CAMK1D: variants seen among roughly 807,000 people sequenced by gnomAD.
CAMK1D encodes calcium/calmodulin-dependent protein kinase type 1D.
CAMK1D carries 9 observed loss-of-function variants against 47.7 expected under a neutral mutation model. That is an observed-to-expected ratio of 0.19 (90% confidence interval 0.11 to 0.33). The LOEUF is 0.33. Ranked by LOEUF, CAMK1D falls within the 10% of genes least tolerant of loss-of-function variation. The probability of loss-of-function intolerance (pLI) is 1.00; values close to 1 mark genes in which losing one functional copy is unlikely to be tolerated. For synonymous variants in CAMK1D, 184 were observed against 184.9 expected (o/e 0.99, Z 0.04); for missense variants, 291 against 488.7 (o/e 0.60, Z 3.81).
intron 3 of CAMK1D, among the ~76,000 whole-genome samples, chr10:12,718,713 T>C (rs967305042): frequency 6.6e-6 from 1 of 152,254 alleles, no homozygotes; most frequent in Non-Finnish European, 1.5e-5. Context: ...AAAATGGTTT[T>C]ACCACATGCA....
chr10:12,357,459 G>A (rs1235119274), intron 1 of CAMK1D, among the ~76,000 whole-genome samples: 1 of 152,128 alleles, frequency 6.6e-6, no homozygotes, highest in African/African-American at 2.4e-5. Context: ...AGGACTACAG[G>A]CGCGTACTAC....
chr10:12,657,294 G>C (rs186845391), intron 2 of CAMK1D, among the ~76,000 whole-genome samples: 1 of 152,114 alleles, frequency 6.6e-6, no homozygotes, highest in African/African-American at 2.4e-5. Context: ...GTGTGGTGGC[G>C]CATGCCTGTA....
At chr10:12,751,732 G>A (rs1352738222) in intron 3 of CAMK1D, among the ~76,000 whole-genome samples, 1 of 152,228 alleles carries the variant, frequency 6.6e-6, no homozygotes, top group African/African-American at 2.4e-5. Flanking sequence ...ATGAGTACGG[G>A]TAGAAAGACA....
chr10:12,378,027 C>T (rs1009851836), intron 1 of CAMK1D, among the ~76,000 whole-genome samples: 6 of 152,164 alleles, frequency 3.9e-5, no homozygotes, highest in African/African-American at 1.2e-4. Flanking sequence ...GAGAAAGCAC[C>T]CCAGGCATGC....
At chr10:12,740,406 C>T (rs1385810447) in intron 3 of CAMK1D, among the ~76,000 whole-genome samples, 1 of 152,124 alleles carries the variant, frequency 6.6e-6, no homozygotes, top group Non-Finnish European at 1.5e-5. Context: ...TGAGACCAGC[C>T]TGGGCAACAT....
At position 12,666,103 on chromosome 10, in the gene CAMK1D, T is replaced by C. The variant is rs530038897; in HGVS notation, c.225-633T>C. ...TCTTTGTAGATGCTGGTGCTGCCTG[T>C]TTGAGAACCACACTTTGAGTAGCAC... On this transcript the variant is annotated intron_variant, in intron 2 of 10. Transcript: ENST00000619168. Among the ~76,000 whole-genome samples the C allele has an allele frequency of 2.0e-4, 31 of 152,234 alleles. No individual in the cohort carries two copies. The South Asian group carries it at 6.2e-3, about 31-fold the overall frequency.
At chr10:12,392,165 A>C (rs9424158) in intron 1 of CAMK1D, among the ~76,000 whole-genome samples, 298 of 152,134 alleles carry the variant, frequency 2.0e-3, no homozygotes, top group African/African-American at 6.8e-3. Context: ...AGCCGGGTGC[A>C]GTGGTGTGCA....
chr10:12,546,573 A>G (rs113978134), intron 1 of CAMK1D, among the ~76,000 whole-genome samples: 4,505 of 152,098 alleles, frequency 0.03, 214 homozygotes, highest in African/African-American at 0.1. Flanking sequence ...ATGTCCAACA[A>G]TGATAGACTG....
rs187538756 is a variant in CAMK1D, at chr10:12,569,818, A to G, written c.224+16462A>G. ...TAAGTGCTCGAAACCAGTGTGTCCA[A>G]TGGCAGTAGTGACCTTGTCACTTAA... On this transcript the variant is annotated intron_variant, in intron 2 of 10. Coordinates refer to ENST00000619168, the MANE Select transcript of CAMK1D (RefSeq NM_153498.4). 1.0e-3 allele frequency among the ~76,000 whole-genome samples: 152 copies of G among 152,088 alleles called. 1 individual carries two copies. Among genetic ancestry groups the G allele is most frequent in the Admixed American group, 4.8e-3 (73 of 15,274 alleles).
intron 10 of CAMK1D, among the ~76,000 whole-genome samples, chr10:12,827,064 G>A (rs1446021815): frequency 1.3e-5 from 2 of 152,196 alleles, no homozygotes; most frequent in Admixed American, 1.3e-4. Flanking sequence ...CTAGGCCAGG[G>A]ACTGCTGAGC....
intron 5 of CAMK1D, among the ~76,000 whole-genome samples, chr10:12,772,284 C>G (rs1195771184): frequency 6.6e-6 from 1 of 152,040 alleles, no homozygotes; most frequent in Non-Finnish European, 1.5e-5. Context: ...AGAGCCTGTT[C>G]CAACTATCGG....
chr10:12,707,677 T>C (rs1341722606), intron 3 of CAMK1D, among the ~76,000 whole-genome samples: 1 of 152,186 alleles, frequency 6.6e-6, no homozygotes, highest in Non-Finnish European at 1.5e-5. Flanking sequence ...TTATTCAACA[T>C]GATAGTTTCT....
intron 1 of CAMK1D, among the ~76,000 whole-genome samples, chr10:12,500,381 C>T (rs1834664663): frequency 6.6e-6 from 1 of 152,206 alleles, no homozygotes; most frequent in South Asian, 2.1e-4. Flanking sequence ...CTTGGCTTAC[C>T]TCTTCTTAGA....
intron 2 of CAMK1D, among the ~76,000 whole-genome samples, chr10:12,595,518 A>C (rs1202889980): frequency 6.6e-6 from 1 of 151,876 alleles, no homozygotes; most frequent in Non-Finnish European, 1.5e-5. Flanking sequence ...GGACCTTTGC[A>C]TCTGAGGTGG....
chr10:12,394,462 C>G (rs1838862429), intron 1 of CAMK1D, among the ~76,000 whole-genome samples: 1 of 152,196 alleles, frequency 6.6e-6, no homozygotes, highest in African/African-American at 2.4e-5. Context: ...CCCTGGTAAC[C>G]AGCCCCCCTT....
chr10:12,351,048 C>T (rs1476033899), intron 1 of CAMK1D, among the ~76,000 whole-genome samples: 2 of 152,112 alleles, frequency 1.3e-5, no homozygotes, highest in African/African-American at 4.8e-5. Context: ...TCCAGCACCA[C>T]ATTACCCAGC....
At chr10:12,458,411 G>GT (rs1208251943) in intron 1 of CAMK1D, among the ~76,000 whole-genome samples, 23 of 151,798 alleles carry the variant, frequency 1.5e-4, no homozygotes, top group African/African-American at 5.3e-4. Context: ...TTTGCAAACA[G>GT]TATTTTTTTA....
Position 12,440,716 on chromosome 10 carries a change from G to T in CAMK1D, c.92+90806G>T. Among the ~76,000 whole-genome samples the T allele has an allele frequency of 1.3e-5, 2 of 152,228 alleles. 1 individual carries two copies. Reference sequence around the variant, plus strand: ...ATATGAGATACGGTGTATGCCAGGTGCAGTGCTCAGGCCTTGGGCAACACA... The same window carrying T: ...ATATGAGATACGGTGTATGCCAGGTTCAGTGCTCAGGCCTTGGGCAACACA... On this transcript the variant is annotated intron_variant, in intron 1 of 10. Coordinates refer to ENST00000619168, the MANE Select transcript of CAMK1D (RefSeq NM_153498.4).
chr10:12,528,475 C>T (rs781212084), intron 1 of CAMK1D, among the ~76,000 whole-genome samples: 5 of 152,136 alleles, frequency 3.3e-5, no homozygotes, highest in Admixed American at 1.3e-4. Flanking sequence ...TACAGACAAG[C>T]GTGATTTCAG....
Sources: allele counts gnomAD v4.1 joint callset (sites outside exome capture counted in the v4.1 genomes callset), GRCh38; gene constraint gnomAD v4.1.1; transcripts MANE v1.5; gene names NCBI Gene and HGNC (gene_info 2026-07-23, HGNC 2026-07-21).